Variants in LRRIQ1 observed in about 807,000 individuals in gnomAD.
The protein encoded by LRRIQ1 is leucine-rich repeat- and IQ domain-containing protein 1.
In LRRIQ1, 210 loss-of-function variants were observed where a neutral mutation model predicts 211.9. That is an observed-to-expected ratio of 0.99 (90% confidence interval 0.89 to 1.11). LRRIQ1 has a LOEUF of 1.11. Among genes scored for constraint, LRRIQ1 ranks in the 50% most tolerant of loss-of-function variants. The pLI, the probability that LRRIQ1 is intolerant of heterozygous loss-of-function variation, is 0.00. For missense variants in LRRIQ1, 2,136 were observed against 1,939.5 expected (o/e 1.10, Z -1.90); for synonymous variants, 699 against 650.1 (o/e 1.08, Z -1.14).
chr12:85,183,647 A>G (rs1395075440), intron 24 of LRRIQ1, among the ~76,000 whole-genome samples: 2 of 152,170 alleles, frequency 1.3e-5, no homozygotes, highest in Non-Finnish European at 2.9e-5. Context: ...ATGGAAGTTC[A>G]ATGTGCTGCT....
rs1881187584 is a variant in LRRIQ1 at position 85,056,983 on chromosome 12, A to G, written c.2190A>G (p.Ser730=). ...PEPDSMTCCV[S]ESTLLYSIEE... ...CTGATAGCATGACCTGCTGTGTATC[A>G]GAGTCAACCCTTCTATATTCTATTG... The change falls in exon 8 of 27, where the codon TCA becomes TCG. Residue 730 remains serine (S), a synonymous_variant. Coordinates refer to ENST00000393217, the MANE Select transcript of LRRIQ1 (RefSeq NM_001079910.2). 3 of 1,609,350 alleles carry G rather than the reference A, an allele frequency of 1.9e-6. No homozygotes were observed. Among genetic ancestry groups the G allele is most frequent in the Non-Finnish European group, 2.5e-6 (3 of 1,178,292 alleles).
At chr12:85,153,250 T>C (rs1398063402) in intron 21 of LRRIQ1, 105 bp downstream of exon 21, 3 of 1,136,166 alleles carry the variant, frequency 2.6e-6, no homozygotes, top group African/African-American at 3.3e-5. Context: ...TTTACTTGTT[T>C]AGGAAACAGA....
chr12:85,266,404 A>G (rs1271675313), downstream of LRRIQ1, among the ~76,000 whole-genome samples: 1 of 152,144 alleles, frequency 6.6e-6, no homozygotes, highest in East Asian at 1.9e-4. Flanking sequence ...AAACAAGTAT[A>G]ATGCATTTAT....
At chr12:85,227,424 T>A (rs979956156) in intron 24 of LRRIQ1, among the ~76,000 whole-genome samples, 1 of 152,190 alleles carries the variant, frequency 6.6e-6, no homozygotes, top group Non-Finnish European at 1.5e-5. Context: ...TGATGGCCAA[T>A]GATGATGAGC....
At position 85,239,356 on chromosome 12, in the gene LRRIQ1, TACAC is replaced by T. The variant is rs55912271; in HGVS notation, c.5017-5406_5017-5403del. ...ATCCCCGGTAATTGAAACTGTTTTATACACACACACACACACACACACACACACA... is the reference window on the plus strand; with the variant it reads ...ATCCCCGGTAATTGAAACTGTTTTATACACACACACACACACACACACACA... On this transcript the variant is annotated intron_variant, in intron 26 of 26. Coordinates refer to ENST00000393217, the MANE Select transcript of LRRIQ1 (RefSeq NM_001079910.2). Among the ~76,000 whole-genome samples the T allele has an allele frequency of 3.9e-3, 566 of 145,130 alleles. 2 individuals are homozygous for T. The highest frequency in any genetic ancestry group is 6.0e-3 in the South Asian group (27 of 4,520).
At chr12:85,092,591 A>G (rs979885828) in intron 11 of LRRIQ1, among the ~76,000 whole-genome samples, 1 of 152,226 alleles carries the variant, frequency 6.6e-6, no homozygotes, top group Non-Finnish European at 1.5e-5. Flanking sequence ...TTAAATCACG[A>G]GTTCATTGCA....
downstream of LRRIQ1, among the ~76,000 whole-genome samples, chr12:85,266,156 C>T (rs1896413522): frequency 1.3e-5 from 2 of 151,992 alleles, no homozygotes; most frequent in Non-Finnish European, 2.9e-5. Flanking sequence ...TATTAAAATA[C>T]TTGTTGTAAG....
chr12:85,166,715 T>C (rs965057658), intron 24 of LRRIQ1, among the ~76,000 whole-genome samples: 1 of 152,200 alleles, frequency 6.6e-6, no homozygotes, highest in Non-Finnish European at 1.5e-5. Context: ...ACAGGGCATA[T>C]GCAGGCAACA....
At chr12:85,075,684 A>G (rs531844516) in intron 11 of LRRIQ1, among the ~76,000 whole-genome samples, 4 of 152,104 alleles carry the variant, frequency 2.6e-5, no homozygotes, top group African/African-American at 9.6e-5. Context: ...AGAATTCCAC[A>G]TGAGATCTGG....
intron 3 of LRRIQ1, among the ~76,000 whole-genome samples, chr12:85,043,798 T>TA (rs1458316437): frequency 6.6e-6 from 1 of 152,132 alleles, no homozygotes; most frequent in African/African-American, 2.4e-5. Flanking sequence ...CTGTCTGCTA[T>TA]ACTTAAGAAG....
chr12:85,196,142 G>A (rs1389926273), intron 24 of LRRIQ1, among the ~76,000 whole-genome samples: 2 of 152,148 alleles, frequency 1.3e-5, no homozygotes, highest in Admixed American at 6.6e-5. Flanking sequence ...CCTTTTCAAG[G>A]AGAACTACAA....
intron 17 of LRRIQ1, 79 bp from the exon 18 acceptor site, chr12:85,127,753 T>C: frequency 8.4e-7 from 1 of 1,189,974 alleles, no homozygotes; most frequent in Non-Finnish European, 1.2e-6. Context: ...TAAAATCTTG[T>C]TTAGGAGGAC....
At chr12:85,144,983 C>T (rs1407262769) in intron 19 of LRRIQ1, among the ~76,000 whole-genome samples, 1 of 150,470 alleles carries the variant, frequency 6.6e-6, no homozygotes, top group African/African-American at 2.4e-5. Context: ...TTAAATTTTT[C>T]TGTATACAAA....
chr12:85,239,374 C>A (rs1895354828), intron 26 of LRRIQ1, among the ~76,000 whole-genome samples: 1 of 151,604 alleles, frequency 6.6e-6, no homozygotes. Context: ...CACACACACA[C>A]ACACACACAC....
At chr12:85,204,064 A>G (rs925556196) in intron 24 of LRRIQ1, among the ~76,000 whole-genome samples, 1 of 152,194 alleles carries the variant, frequency 6.6e-6, no homozygotes, top group Non-Finnish European at 1.5e-5. Context: ...TGTGCAGCCT[A>G]GGGATTTGGT....
At chr12:85,256,720 G>A (rs1896105664) in intron 1 of LRRIQ1, among the ~76,000 whole-genome samples, 1 of 151,324 alleles carries the variant, frequency 6.6e-6, no homozygotes, top group African/African-American at 2.4e-5. Flanking sequence ...ACTACAGTAT[G>A]ACAGTTTCTA....
At chr12:85,079,827 A>C (rs964753941) in intron 11 of LRRIQ1, among the ~76,000 whole-genome samples, 1 of 151,868 alleles carries the variant, frequency 6.6e-6, no homozygotes, top group South Asian at 2.1e-4. Context: ...TTTTCCTCTT[A>C]TATTTACCAG....
intron 18 of LRRIQ1, among the ~76,000 whole-genome samples, chr12:85,136,909 T>C (rs1314723042): frequency 6.6e-6 from 1 of 151,802 alleles, no homozygotes. Context: ...CATTTCTTTC[T>C]GTTTCATATT....
exon 2 of LRRIQ1, chr12:85,263,077 A>G (rs933835783): frequency 3.0e-6 from 3 of 987,854 alleles, no homozygotes; most frequent in Non-Finnish European, 3.6e-6. Context: ...AGGCTTCAGC[A>G]TTCAAAACAT....
Sources: gnomAD v4.1 joint callset for allele counts (sites outside exome capture counted in the v4.1 genomes callset) on GRCh38, gnomAD v4.1.1 for gene constraint, MANE v1.5 for transcripts, NCBI Gene and HGNC (gene_info 2026-07-23, HGNC 2026-07-21) for gene names.